The following TRAPPC8 variants were observed in gnomAD, a reference collection of about 807,000 sequenced individuals.
The protein encoded by TRAPPC8 is trafficking protein particle complex subunit 8, also known as general sporulation gene 1 homolog.
A neutral mutation model predicts 174.3 loss-of-function variants in TRAPPC8; 54 were observed. The observed-to-expected ratio is 0.31, with a 90% CI of 0.25 to 0.39. The LOEUF (loss-of-function observed/expected upper bound fraction) is 0.39. TRAPPC8 is among the 10% of genes least tolerant of loss of function. The pLI is 1.00. For missense variants in TRAPPC8, 1,531 were observed against 1,699.1 expected (o/e 0.90, Z 1.74); for synonymous variants, 630 against 579.9 (o/e 1.09, Z -1.24).
intron 12 of TRAPPC8, among the ~76,000 whole-genome samples, chr18:31,888,656 C>T (rs1423121229): frequency 1.3e-5 from 2 of 152,200 alleles, no homozygotes; most frequent in African/African-American, 4.8e-5. Flanking sequence ...CCTCAGCAAA[C>T]TAACACAGGA....
chr18:31,838,828 T>C (rs1432852061), intron 27 of TRAPPC8, among the ~76,000 whole-genome samples: 3 of 152,152 alleles, frequency 2.0e-5, no homozygotes, highest in Non-Finnish European at 4.4e-5. Flanking sequence ...TTCAGTTTTC[T>C]TCATAGGCTT....
intron 12 of TRAPPC8, among the ~76,000 whole-genome samples, chr18:31,882,469 G>A (rs2035502764): frequency 6.6e-6 from 1 of 151,948 alleles, no homozygotes. Context: ...AAAGAGGAAG[G>A]GAAGGAAGTG....
At chr18:31,860,043 A>G (rs1316919217) in intron 19 of TRAPPC8, among the ~76,000 whole-genome samples, 1 of 151,974 alleles carries the variant, frequency 6.6e-6, no homozygotes, top group Non-Finnish European at 1.5e-5. Flanking sequence ...AAGTATATTT[A>G]GCCTTTACCT....
At chr18:31,847,054 C>T (rs561257999) in intron 25 of TRAPPC8, among the ~76,000 whole-genome samples, 1 of 152,314 alleles carries the variant, frequency 6.6e-6, no homozygotes, top group East Asian at 1.9e-4. Flanking sequence ...GAGAGAGATA[C>T]ATCATGAAAT....
rs2032870194 is a variant in TRAPPC8, at chr18:31,838,120, C to T, written c.3983+1192G>A. Reference sequence around the variant, plus strand: ...AAGTAGCTGGAACTACAGGTGTGTACCACCATGCCCGGCTCTAAGTTACTT... The same window carrying T: ...AAGTAGCTGGAACTACAGGTGTGTATCACCATGCCCGGCTCTAAGTTACTT... On this transcript the variant is annotated intron_variant, in intron 27 of 28. Coordinates refer to ENST00000283351, the MANE Select transcript of TRAPPC8 (RefSeq NM_014939.5). 2.0e-5 allele frequency among the ~76,000 whole-genome samples: 3 copies of T among 152,152 alleles called. No homozygotes were observed. In the South Asian group the frequency reaches 6.2e-4, roughly 32 times the overall value.
intron 3 of TRAPPC8, among the ~76,000 whole-genome samples, chr18:31,917,268 AT>A (rs2037188184): frequency 6.6e-6 from 1 of 152,058 alleles, no homozygotes; most frequent in East Asian, 1.9e-4. Flanking sequence ...CATTGTTTAG[AT>A]TTTCTTTCTA....
intron 2 of TRAPPC8, 137 bp downstream of exon 2, chr18:31,931,191 GT>G: frequency 1.5e-6 from 1 of 687,618 alleles, no homozygotes. Flanking sequence ...TCCTAGGACT[GT>G]TTTCAACATT....
At chr18:31,840,510 G>C (rs1008812661) in intron 26 of TRAPPC8, among the ~76,000 whole-genome samples, 3 of 152,062 alleles carry the variant, frequency 2.0e-5, no homozygotes, top group African/African-American at 7.2e-5. Context: ...CACCACCCAG[G>C]AGAATATTTG....
At chr18:31,919,330 C>T (rs192383194) in intron 2 of TRAPPC8, among the ~76,000 whole-genome samples, 1 of 151,846 alleles carries the variant, frequency 6.6e-6, no homozygotes, top group Non-Finnish European at 1.5e-5. Context: ...GTCAGGAGTT[C>T]GAGACCAGCC....
Position 31,912,228 on chromosome 18 carries a change from T to C in TRAPPC8, c.771+1141A>G, listed in dbSNP as rs149061901. Among the ~76,000 whole-genome samples, 1,298 of 152,268 alleles carry C rather than the reference T, an allele frequency of 8.5e-3. 18 individuals are homozygous for C. The highest frequency in any genetic ancestry group is 0.029 in the African/African-American group (1,196 of 41,554). The stretch of plus-strand genomic sequence containing the variant: ...GAAAGAGGCTGGGCATGATGGCTCA[T>C]GCCTATAATCCTAGCACTTTTGGAG... On this transcript the variant is annotated intron_variant, in intron 5 of 28. Coordinates refer to ENST00000283351, the MANE Select transcript of TRAPPC8 (RefSeq NM_014939.5).
At chr18:31,942,567 G>A (rs370676979) in intron 1 of TRAPPC8, 41 bp downstream of exon 1, 44 of 1,488,454 alleles carry the variant, frequency 3.0e-5, no homozygotes, top group Non-Finnish European at 3.9e-5. Context: ...CCCGACCACG[G>A]CTTTGCGGGA....
At chr18:31,917,071 C>T (rs2037180502) in intron 3 of TRAPPC8, among the ~76,000 whole-genome samples, 1 of 151,648 alleles carries the variant, frequency 6.6e-6, no homozygotes, top group Admixed American at 6.6e-5. Flanking sequence ...TTGCTTCTCT[C>T]CACTCTATCT....
intron 12 of TRAPPC8, among the ~76,000 whole-genome samples, chr18:31,889,513 A>G (rs759159990): frequency 6.6e-6 from 1 of 152,184 alleles, no homozygotes; most frequent in Admixed American, 6.5e-5. Context: ...ACATTTTGTC[A>G]TTTTTTGAAC....
chr18:31,885,696 T>C (rs1276801086), intron 12 of TRAPPC8, among the ~76,000 whole-genome samples: 2 of 151,486 alleles, frequency 1.3e-5, no homozygotes, highest in African/African-American at 4.8e-5. Context: ...CTGTCTCTAC[T>C]AAAAATACAA....
intron 27 of TRAPPC8, among the ~76,000 whole-genome samples, chr18:31,838,804 ATTAG>A (rs1329899590): frequency 6.6e-6 from 1 of 151,944 alleles, no homozygotes; most frequent in African/African-American, 2.4e-5. Flanking sequence ...TAATTTTTTA[ATTAG>A]TTCTTTTTCT....
intron 2 of TRAPPC8, among the ~76,000 whole-genome samples, chr18:31,919,578 AAAT>A (rs2037293491): frequency 1.7e-5 from 2 of 120,630 alleles, no homozygotes; most frequent in African/African-American, 5.7e-5. Context: ...ATAAATAAAT[AAAT>A]AAATAAATAA....
chr18:31,880,700 G>A (rs1221713840), intron 12 of TRAPPC8, among the ~76,000 whole-genome samples: 2 of 152,106 alleles, frequency 1.3e-5, no homozygotes, highest in Non-Finnish European at 2.9e-5. Flanking sequence ...AATAGGAAAA[G>A]AGGAAGTGAA....
rs1255235229 is a variant in TRAPPC8, at chr18:31,834,017, A to C, written c.3984-1844T>G. On this transcript the variant is annotated intron_variant, in intron 27 of 28. Transcript: ENST00000283351. ...ACTCCGTCTCAAAAAAAAAAAACAA[A>C]AAACAGAAATTACATTTCTAAGTTC... is the stretch of plus-strand genomic sequence containing the variant. Among the ~76,000 whole-genome samples, 5 of 151,042 alleles carry C rather than the reference A, an allele frequency of 3.3e-5. 1 individual carries two copies. Among genetic ancestry groups the C allele is most frequent in the Admixed American group, 1.3e-4 (2 of 15,192 alleles).
intron 2 of TRAPPC8, among the ~76,000 whole-genome samples, chr18:31,927,317 C>T (rs1159465713): frequency 6.6e-6 from 1 of 151,836 alleles, no homozygotes; most frequent in African/African-American, 2.4e-5. Context: ...GGCTGGAGTG[C>T]AGTGGCGTGA....
Sources: allele counts gnomAD v4.1 joint callset (sites outside exome capture counted in the v4.1 genomes callset), GRCh38; gene constraint gnomAD v4.1.1; transcripts MANE v1.5; gene names NCBI Gene and HGNC (gene_info 2026-07-23, HGNC 2026-07-21).